PRMT8: variants seen among roughly 807,000 people sequenced by gnomAD.
PRMT8 encodes the protein protein arginine methyltransferase 8, also known as protein arginine N-methyltransferase 8.
A neutral mutation model predicts 47.1 loss-of-function variants in PRMT8; 7 were observed. The ratio of observed to expected loss-of-function variants is 0.15; its 90% CI spans 0.08 to 0.28. The LOEUF (loss-of-function observed/expected upper bound fraction) is 0.28. Among genes scored for constraint, PRMT8 ranks in the 10% least tolerant of loss-of-function variants. PRMT8 has a pLI of 1.00. For missense variants in PRMT8, 237 were observed against 505.4 expected (o/e 0.47, Z 5.09); for synonymous variants, 188 against 186.5 (o/e 1.01, Z -0.07).
At chr12:3,419,138 C>T (rs143237595) in intron 1 of PRMT8, among the ~76,000 whole-genome samples, 116 of 152,330 alleles carry the variant, frequency 7.6e-4, no homozygotes, top group African/African-American at 9.4e-4. Context: ...ATGGTAGTGA[C>T]GGCCAGAAAA....
chr12:3,576,940 A>G lies in PRMT8; in HGVS notation c.782A>G (p.Asp261Gly). ...GTGGCCATGAAGGAGCCTCTAGTGG[A>G]CATCGTGGATCCAAAGCAAGTGGTG... ...RDVAMKEPLV[D>G]IVDPKQVVTN... is the part of the protein sequence containing the mutation. Residue 261 changes from aspartate (D) to glycine (G), a missense_variant, in exon 7 of 10, where the codon GAC becomes GGC. Transcript: ENST00000382622. The surrounding 1 kb of genome is among the most constrained non-coding windows in gnomAD (Gnocchi z 4.0). The G allele has an allele frequency of 6.2e-6, 10 of 1,614,162 alleles. No individual in the cohort carries two copies. Among genetic ancestry groups the G allele is most frequent in the Non-Finnish European group, 7.6e-6 (9 of 1,180,024 alleles).
intron 1 of PRMT8, among the ~76,000 whole-genome samples, chr12:3,525,639 G>A (rs1865941300): frequency 1.3e-5 from 2 of 152,164 alleles, no homozygotes; most frequent in East Asian, 1.9e-4. Context: ...TCATGAGTGA[G>A]TTCACACTTA....
upstream of PRMT8, among the ~76,000 whole-genome samples, chr12:3,487,891 G>A (rs1430653476): frequency 6.6e-6 from 1 of 152,140 alleles, no homozygotes; most frequent in Non-Finnish European, 1.5e-5. Context: ...AGAATTAGAG[G>A]CTTAAAGAAT....
At chr12:3,549,093 A>T (rs1436266726) in intron 2 of PRMT8, among the ~76,000 whole-genome samples, 1 of 152,236 alleles carries the variant, frequency 6.6e-6, no homozygotes, top group Non-Finnish European at 1.5e-5. Context: ...GATAGAAATC[A>T]GATCATTTGT....
chr12:3,510,805 C>T (rs1865700245), intron 1 of PRMT8, among the ~76,000 whole-genome samples: 1 of 152,186 alleles, frequency 6.6e-6, no homozygotes, highest in Non-Finnish European at 1.5e-5. Context: ...CCACCTCCAC[C>T]TCGGGAGTGC....
At chr12:3,520,935 C>T (rs1392311333) in intron 1 of PRMT8, among the ~76,000 whole-genome samples, 2 of 152,162 alleles carry the variant, frequency 1.3e-5, no homozygotes, top group Non-Finnish European at 2.9e-5. Context: ...CTGCTCCCAG[C>T]AAAGATAGCC....
chr12:3,587,598 G>A (rs1176620366), intron 8 of PRMT8, among the ~76,000 whole-genome samples: 5 of 151,898 alleles, frequency 3.3e-5, no homozygotes, highest in South Asian at 2.1e-4. Flanking sequence ...CTCCCGTATC[G>A]CCTCCAGATG....
intron 1 of PRMT8, chr12:3,463,247 G>A (rs1466566422): frequency 6.6e-6 from 1 of 152,166 alleles, no homozygotes; most frequent in Non-Finnish European, 1.5e-5. Context: ...TGAAACAATT[G>A]TGTTACCCTG....
In PRMT8 at chr12:3,560,198, T is replaced by C. The variant is rs529346330; in HGVS notation, c.481+6484T>C. Among the ~76,000 whole-genome samples, 14 of 152,340 alleles carry C rather than the reference T, an allele frequency of 9.2e-5. No homozygotes were observed. The South Asian group carries it at 2.9e-3, about 32-fold the overall frequency. On this transcript the variant is annotated intron_variant, in intron 4 of 9. Coordinates refer to ENST00000382622, the MANE Select transcript of PRMT8 (RefSeq NM_019854.5). ...TGTACTCAGAGGAGGACAGCTTGGCTGCACGGATGCTTCCATGGAAATGCT... is the reference window on the plus strand; with the variant it reads ...TGTACTCAGAGGAGGACAGCTTGGCCGCACGGATGCTTCCATGGAAATGCT...
chr12:3,521,954 A>G (rs1047630717), intron 1 of PRMT8, among the ~76,000 whole-genome samples: 1 of 152,220 alleles, frequency 6.6e-6, no homozygotes, highest in Admixed American at 6.5e-5. Context: ...ACTAAGGGGA[A>G]TTACGGAAAG....
chr12:3,450,923 G>C (rs1439092500), intron 1 of PRMT8, among the ~76,000 whole-genome samples: 1 of 150,626 alleles, frequency 6.6e-6, no homozygotes, highest in Non-Finnish European at 1.5e-5. Context: ...TTGTGCTAAG[G>C]CAAAGCAGTT....
chr12:3,389,347 C>T (rs536281996), intron 1 of PRMT8, among the ~76,000 whole-genome samples: 1 of 152,260 alleles, frequency 6.6e-6, no homozygotes, highest in South Asian at 2.1e-4. Context: ...TATCGCGCTG[C>T]AAAATCCCTA....
At chr12:3,448,666 G>T (rs1864884021) in intron 1 of PRMT8, among the ~76,000 whole-genome samples, 2 of 152,140 alleles carry the variant, frequency 1.3e-5, no homozygotes, top group African/African-American at 4.8e-5. Flanking sequence ...GACAGATGGA[G>T]AGAGAGAAAA....
At chr12:3,398,002 A>G (rs570034179) in intron 1 of PRMT8, among the ~76,000 whole-genome samples, 11 of 152,086 alleles carry the variant, frequency 7.2e-5, no homozygotes, top group Non-Finnish European at 1.3e-4. Context: ...CCCTTTGACT[A>G]GGAAAGGGAA....
chr12:3,523,064 A>G (rs1865904541), intron 1 of PRMT8, among the ~76,000 whole-genome samples: 1 of 152,142 alleles, frequency 6.6e-6, no homozygotes, highest in African/African-American at 2.4e-5. Context: ...CACCCCCCAA[A>G]CCATAAAGTT....
intron 1 of PRMT8, among the ~76,000 whole-genome samples, chr12:3,402,532 A>G (rs978379684): frequency 6.6e-6 from 1 of 152,174 alleles, no homozygotes; most frequent in Non-Finnish European, 1.5e-5. Context: ...GAGTGAACAG[A>G]CATCCTACAG....
At chr12:3,467,957 G>T (rs1865120319) in intron 1 of PRMT8, among the ~76,000 whole-genome samples, 1 of 152,204 alleles carries the variant, frequency 6.6e-6, no homozygotes, top group Non-Finnish European at 1.5e-5. Context: ...CTGAGGCGGG[G>T]GCTCTTGTCC....
At chr12:3,548,898 T>C (rs577175512) in intron 2 of PRMT8, among the ~76,000 whole-genome samples, 1 of 152,132 alleles carries the variant, frequency 6.6e-6, no homozygotes, top group Non-Finnish European at 1.5e-5. Context: ...CTGGAAAGAA[T>C]CCTAATATCC....
chr12:3,415,377 AT>A (rs1864473632), intron 1 of PRMT8, among the ~76,000 whole-genome samples: 1 of 152,272 alleles, frequency 6.6e-6, no homozygotes, highest in South Asian at 2.1e-4. Context: ...ATCATTGGCC[AT>A]TGGTGATCAA....
Sources: allele counts gnomAD v4.1 joint callset (sites outside exome capture counted in the v4.1 genomes callset), GRCh38; gene constraint gnomAD v4.1.1; non-coding constraint Gnocchi (gnomAD v3.1); transcripts MANE v1.5; gene names NCBI Gene and HGNC (gene_info 2026-07-23, HGNC 2026-07-21).